TTBK2: variants seen among roughly 807,000 people sequenced by gnomAD.
TTBK2 encodes tau-tubulin kinase 2.
In TTBK2, 28 loss-of-function variants were observed where a neutral mutation model predicts 110.8. That is an observed-to-expected ratio of 0.25 (90% confidence interval 0.19 to 0.35). The LOEUF is 0.35. Among genes scored for constraint, TTBK2 ranks in the 10% least tolerant of loss-of-function variants. TTBK2 has a pLI of 1.00. For synonymous variants in TTBK2, 532 were observed against 527.3 expected (o/e 1.01, Z -0.12); for missense variants, 1,369 against 1,500.3 (o/e 0.91, Z 1.45).
chr15:42,872,787 C>T (rs1228091486), intron 2 of TTBK2, 29 bp from the exon 3 acceptor site: 1 of 1,611,808 alleles, frequency 6.2e-7, no homozygotes. Flanking sequence ...CACACACACT[C>T]TAAATTACTA....
At position 42,829,107 on chromosome 15, in the gene TTBK2, T is replaced by C. The variant is rs140242192; in HGVS notation, c.432+831A>G. Among the ~76,000 whole-genome samples the C allele has an allele frequency of 3.7e-3, 571 of 152,346 alleles. 2 individuals are homozygous for C. The highest frequency in any genetic ancestry group is 0.013 in the African/African-American group (544 of 41,574). ...TTAGCATTTTCATGTAAGCTAATTT[T>C]AGAAGTCATGTAACAACTGACGGTT... is the stretch of plus-strand genomic sequence containing the variant. On this transcript the variant is annotated intron_variant, in intron 5 of 14. Coordinates refer to ENST00000267890, the MANE Select transcript of TTBK2 (RefSeq NM_173500.4).
At chr15:42,750,153 G>C (rs770219324) in intron 14 of TTBK2, among the ~76,000 whole-genome samples, 1 of 151,950 alleles carries the variant, frequency 6.6e-6, no homozygotes, top group African/African-American at 2.4e-5. Flanking sequence ...TATTTTCAGA[G>C]TTACCACATT....
At chr15:42,791,239 C>T (rs751612959) in intron 10 of TTBK2, among the ~76,000 whole-genome samples, 41 of 151,892 alleles carry the variant, frequency 2.7e-4, no homozygotes, top group Non-Finnish European at 5.4e-4. Flanking sequence ...AGGCTGGTCT[C>T]GAACTCCTGA....
intron 7 of TTBK2, 116 bp from the exon 8 acceptor site, chr15:42,811,896 C>T: frequency 2.6e-6 from 2 of 777,938 alleles, no homozygotes; most frequent in Non-Finnish European, 4.1e-6. Context: ...AAATTTATTT[C>T]CCAAAAAATT....
intron 1 of TTBK2, among the ~76,000 whole-genome samples, chr15:42,912,251 G>T (rs1362807886): frequency 6.6e-5 from 10 of 152,138 alleles, no homozygotes; most frequent in Non-Finnish European, 1.3e-4. Flanking sequence ...ACCCCTTCAG[G>T]AGCTGGAGGA....
chr15:42,823,229 GC>G (rs1892384276), intron 6 of TTBK2, among the ~76,000 whole-genome samples: 1 of 152,204 alleles, frequency 6.6e-6, no homozygotes, highest in Non-Finnish European at 1.5e-5. Flanking sequence ...AGTGTGAGAT[GC>G]CAGCTGAAGG....
chr15:42,825,593 T>C (rs1892495211), intron 6 of TTBK2, among the ~76,000 whole-genome samples: 1 of 152,098 alleles, frequency 6.6e-6, no homozygotes, highest in African/African-American at 2.4e-5. Context: ...CGGGCGCCTG[T>C]AGTCCCAGCT....
At chr15:42,875,987 C>A (rs979315807) in intron 2 of TTBK2, among the ~76,000 whole-genome samples, 10 of 150,964 alleles carry the variant, frequency 6.6e-5, no homozygotes, top group Non-Finnish European at 1.0e-4. Flanking sequence ...AATGAGCCAC[C>A]AGGTTGGGGG....
In TTBK2 at chr15:42,829,707, T is replaced by C. The variant is rs181211926; in HGVS notation, c.432+231A>G. 4.5e-4 allele frequency among the ~76,000 whole-genome samples: 69 copies of C among 152,318 alleles called. 1 individual carries two copies. Among genetic ancestry groups the C allele is most frequent in the African/African-American group, 1.5e-3 (61 of 41,574 alleles). ...GTGCCACTGCCCCAGTCTCAGTTTTTATTTTCACTGTATGAGAAAAACTCC... is the reference window on the plus strand; with the variant it reads ...GTGCCACTGCCCCAGTCTCAGTTTTCATTTTCACTGTATGAGAAAAACTCC... On this transcript the variant is annotated intron_variant, in intron 5 of 14. Transcript: ENST00000267890.
chr15:42,888,884 G>T (rs1895346455), intron 1 of TTBK2, among the ~76,000 whole-genome samples: 1 of 152,086 alleles, frequency 6.6e-6, no homozygotes, highest in Non-Finnish European at 1.5e-5. Flanking sequence ...TGTCCCTCAT[G>T]GCCAGTTTTT....
intron 9 of TTBK2, chr15:42,802,198 A>C (rs1257189427): frequency 9.2e-7 from 1 of 1,087,310 alleles, no homozygotes; most frequent in African/African-American, 1.5e-5. Context: ...AGGGCTCAGC[A>C]GGCTTTGGTT....
At chr15:42,789,350 AACATT>A (rs1470030608) in intron 10 of TTBK2, among the ~76,000 whole-genome samples, 1 of 152,098 alleles carries the variant, frequency 6.6e-6, no homozygotes, top group Non-Finnish European at 1.5e-5. Flanking sequence ...GAGATCATGC[AACATT>A]TTTATTTCTG....
intron 3 of TTBK2, among the ~76,000 whole-genome samples, chr15:42,843,691 G>A (rs1893327202): frequency 6.6e-6 from 1 of 150,478 alleles, no homozygotes; most frequent in South Asian, 2.1e-4. Context: ...CCCGGGAGGA[G>A]GAGGCTGCAG....
intron 9 of TTBK2, chr15:42,802,192 C>T (rs1318798639): frequency 9.0e-7 from 1 of 1,116,752 alleles, no homozygotes; most frequent in East Asian, 2.3e-5. Flanking sequence ...GTTAAGAGGG[C>T]TCAGCAGGCT....
chr15:42,873,755 G>C (rs1030671738), intron 2 of TTBK2, among the ~76,000 whole-genome samples: 1 of 152,138 alleles, frequency 6.6e-6, no homozygotes, highest in Admixed American at 6.5e-5. Context: ...GCTGGGTTGT[G>C]GGGGTAGATA....
chr15:42,877,419 C>T (rs549942856), intron 2 of TTBK2, among the ~76,000 whole-genome samples: 116 of 151,972 alleles, frequency 7.6e-4, no homozygotes, highest in African/African-American at 2.4e-3. Context: ...CAAATGGAAG[C>T]AAATAGCAAA....
At chr15:42,758,654 C>CAAA (rs59064527) in intron 13 of TTBK2, among the ~76,000 whole-genome samples, 13 of 66,420 alleles carry the variant, frequency 2.0e-4, no homozygotes, top group East Asian at 5.0e-4. Flanking sequence ...GATTCCATCT[C>CAAA]AAAAAAAAAA....
chr15:42,875,924 A>AG (rs1265173800), intron 2 of TTBK2, among the ~76,000 whole-genome samples: 5 of 151,028 alleles, frequency 3.3e-5, no homozygotes, highest in African/African-American at 1.2e-4. Flanking sequence ...AAAAAAAAAA[A>AG]AAAGAAATGG....
intron 1 of TTBK2, among the ~76,000 whole-genome samples, chr15:42,883,396 A>G (rs1290676232): frequency 5.3e-5 from 8 of 151,392 alleles, no homozygotes; most frequent in African/African-American, 1.5e-4. Flanking sequence ...AAAAAAAAAA[A>G]GTAGAATGGT....
Sources: allele counts gnomAD v4.1 joint callset (sites outside exome capture counted in the v4.1 genomes callset), GRCh38; gene constraint gnomAD v4.1.1; transcripts MANE v1.5; gene names NCBI Gene and HGNC (gene_info 2026-07-23, HGNC 2026-07-21).